Variants in NKAIN2 observed in about 807,000 individuals in gnomAD.
The protein encoded by NKAIN2 is sodium/potassium-transporting ATPase subunit beta-1-interacting protein 2.
In NKAIN2, 14 loss-of-function variants were observed where a neutral mutation model predicts 32.6. The observed-to-expected ratio is 0.43, with a 90% CI of 0.28 to 0.67. The LOEUF is 0.67. Ranked by LOEUF, NKAIN2 falls within the 30% of genes least tolerant of loss-of-function variation. NKAIN2 has a pLI of 0.17. For synonymous variants in NKAIN2, 80 were observed against 87.2 expected, an observed-to-expected ratio of 0.92 and a Z score of 0.46; for missense variants, 198 against 258.3, an observed-to-expected ratio of 0.77 and a Z score of 1.60.
chr6:124,006,322 T>G (rs1037805163), intron 1 of NKAIN2, among the ~76,000 whole-genome samples: 2 of 152,178 alleles, frequency 1.3e-5, no homozygotes, highest in Non-Finnish European at 2.9e-5. Context: ...TTGTGAGAGA[T>G]AAAATAGTTG....
At chr6:124,633,823 C>T (rs879471099) in intron 3 of NKAIN2, among the ~76,000 whole-genome samples, 5 of 152,168 alleles carry the variant, frequency 3.3e-5, no homozygotes, top group Non-Finnish European at 7.3e-5. Context: ...CCTCTACTAC[C>T]ACCAGCAACC....
rs3051841 is a variant in NKAIN2 at position 124,662,303 on chromosome 6, TTATA to T, written c.474+3931_474+3934del. ...CAAACAAATGTGCAGAAAGAATAATTTATATATATATATATATGTAAGCTTTCTG... is the reference window on the plus strand; with the variant it reads ...CAAACAAATGTGCAGAAAGAATAATTTATATATATATATGTAAGCTTTCTG... On this transcript the variant is annotated intron_variant, in intron 4 of 6. Transcript: ENST00000368417. 9.9e-5 allele frequency among the ~76,000 whole-genome samples: 15 copies of T among 150,860 alleles called. No individual in the cohort carries two copies. The East Asian group carries it at 2.2e-3, about 22-fold the overall frequency.
At chr6:124,045,116 C>A (rs1782055413) in intron 1 of NKAIN2, among the ~76,000 whole-genome samples, 2 of 151,748 alleles carry the variant, frequency 1.3e-5, no homozygotes, top group South Asian at 4.2e-4. Context: ...CATTATTCAC[C>A]TTTATATAGA....
intron 3 of NKAIN2, among the ~76,000 whole-genome samples, chr6:124,605,458 C>T (rs1782463569): frequency 6.6e-6 from 1 of 151,948 alleles, no homozygotes; most frequent in South Asian, 2.1e-4. Context: ...AGACTATGTA[C>T]AATGAAGTGG....
intron 1 of NKAIN2, among the ~76,000 whole-genome samples, chr6:124,164,426 A>G (rs1788431177): frequency 6.6e-6 from 1 of 152,076 alleles, no homozygotes; most frequent in African/African-American, 2.4e-5. Context: ...TAACATTAGA[A>G]CACAATAGTT....
chr6:124,526,155 G>C (rs955183252), intron 3 of NKAIN2, among the ~76,000 whole-genome samples: 3 of 152,108 alleles, frequency 2.0e-5, no homozygotes, highest in Admixed American at 6.6e-5. Flanking sequence ...GCAAGACATG[G>C]CAAGCAATAT....
At chr6:123,984,067 C>T (rs1779026323) in intron 1 of NKAIN2, among the ~76,000 whole-genome samples, 1 of 152,050 alleles carries the variant, frequency 6.6e-6, no homozygotes, top group African/African-American at 2.4e-5. Context: ...GCCACCACAC[C>T]CGGCTAATTT....
chr6:123,873,607 G>A (rs2114294791), intron 1 of NKAIN2, among the ~76,000 whole-genome samples: 1 of 152,278 alleles, frequency 6.6e-6, no homozygotes. Flanking sequence ...TCTTTAGAAT[G>A]AGGCATGATA....
chr6:124,364,950 C>A (rs891941474), intron 3 of NKAIN2, among the ~76,000 whole-genome samples: 1 of 151,722 alleles, frequency 6.6e-6, no homozygotes, highest in South Asian at 2.1e-4. Flanking sequence ...AAGGTTGTAG[C>A]ATTATTATGG....
At chr6:124,593,838 A>G (rs1215218838) in intron 3 of NKAIN2, among the ~76,000 whole-genome samples, 1 of 152,206 alleles carries the variant, frequency 6.6e-6, no homozygotes, top group East Asian at 1.9e-4. Flanking sequence ...TTAGGGTAAT[A>G]GTGGGAGGGG....
chr6:124,566,768 T>TTGAGTACTA (rs1780930088), intron 3 of NKAIN2, among the ~76,000 whole-genome samples: 1 of 152,058 alleles, frequency 6.6e-6, no homozygotes, highest in African/African-American at 2.4e-5. Context: ...TAGGGTGACA[T>TTGAGTACTA]AATTGAGTAC....
rs572479837 is a variant in NKAIN2, at chr6:124,658,040, G to A, written c.274-146G>A. ...GCATAATTAATTTAGCTGTGTCCTC[G>A]CTTCCTGTAAAATACAGCATGGGGT... On this transcript the variant is annotated intron_variant, in intron 3 of 6. Transcript: ENST00000368417. 6.7e-4 allele frequency: 396 copies of A among 590,806 alleles called. 7 individuals are homozygous for A. The South Asian group carries it at 8.2e-3, about 12-fold the overall frequency. 36.6% of individuals were successfully genotyped at this position (590,806 alleles called of 1,614,324 possible).
chr6:123,932,899 T>A (rs1776321106), intron 1 of NKAIN2, among the ~76,000 whole-genome samples: 1 of 152,126 alleles, frequency 6.6e-6, no homozygotes, highest in African/African-American at 2.4e-5. Flanking sequence ...CTGGTGAAGG[T>A]CTTCATTCCT....
At chr6:124,815,274 G>GTGTA (rs1257956487) in intron 5 of NKAIN2, among the ~76,000 whole-genome samples, 62 of 140,048 alleles carry the variant, frequency 4.4e-4, no homozygotes, top group Non-Finnish European at 7.9e-4. Flanking sequence ...GTATATATAT[G>GTGTA]TATATATGTA....
chr6:124,052,735 G>A (rs980260), intron 1 of NKAIN2, among the ~76,000 whole-genome samples: 12,104 of 152,078 alleles, frequency 0.08, 642 homozygotes, highest in East Asian at 0.24. Context: ...GTACTTAAAG[G>A]TATTCAAAGA....
intron 4 of NKAIN2, among the ~76,000 whole-genome samples, chr6:124,717,676 G>T (rs7758634): frequency 6.6e-6 from 1 of 152,160 alleles, no homozygotes; most frequent in Admixed American, 6.5e-5. Flanking sequence ...CGTAATTATT[G>T]TGAAAGGAAT....
At chr6:124,450,525 G>A (rs1776062302) in intron 3 of NKAIN2, among the ~76,000 whole-genome samples, 1 of 151,826 alleles carries the variant, frequency 6.6e-6, no homozygotes, top group Admixed American at 6.6e-5. Flanking sequence ...TATTAATAAT[G>A]TAAGCCTACA....
At chr6:124,489,347 A>C (rs1180640701) in intron 3 of NKAIN2, among the ~76,000 whole-genome samples, 1 of 151,890 alleles carries the variant, frequency 6.6e-6, no homozygotes, top group Non-Finnish European at 1.5e-5. Flanking sequence ...TGAACCTCAA[A>C]TGTTTATCAC....
chr6:124,119,886 A>T (rs1047077864), intron 1 of NKAIN2, among the ~76,000 whole-genome samples: 1 of 151,980 alleles, frequency 6.6e-6, no homozygotes, highest in Non-Finnish European at 1.5e-5. Flanking sequence ...TAAGAAACAA[A>T]TCCTTCTTGG....
Sources: gnomAD v4.1 joint callset for allele counts (sites outside exome capture counted in the v4.1 genomes callset) on GRCh38, gnomAD v4.1.1 for gene constraint, MANE v1.5 for transcripts, NCBI Gene and HGNC (gene_info 2026-07-23, HGNC 2026-07-21) for gene names.